Variants in KIF13A observed in about 807,000 individuals in gnomAD.
The protein encoded by KIF13A is kinesin family member 13A, also known as kinesin-like protein KIF13A.
Under a neutral mutation model 212.2 loss-of-function variants are expected in KIF13A, and 79 were observed. The ratio of observed to expected loss-of-function variants is 0.37; its 90% CI spans 0.31 to 0.45. The LOEUF is 0.45. KIF13A is among the 20% of genes least tolerant of loss of function. The pLI is 1.00. For synonymous variants in KIF13A, 789 were observed against 808.6 expected, an observed-to-expected ratio of 0.98 and a Z score of 0.41; for missense variants, 1,901 against 2,209.0, an observed-to-expected ratio of 0.86 and a Z score of 2.79.
At chr6:17,824,319 G>C (rs532242493) in intron 16 of KIF13A, among the ~76,000 whole-genome samples, 1 of 152,330 alleles carries the variant, frequency 6.6e-6, no homozygotes, top group East Asian at 1.9e-4. Context: ...TCCCCAATTT[G>C]ATATGCCAGA....
chr6:17,773,694 T>C lies in KIF13A; in HGVS notation c.4219-111A>G, dbSNP rs1299595527. On this transcript the variant is annotated intron_variant, in intron 35 of 38. Coordinates refer to ENST00000259711, the MANE Select transcript of KIF13A (RefSeq NM_022113.6). This position sits in a 1 kb window ranked among gnomAD's most constrained non-coding sequence, Gnocchi z 4.2. ...TTTAATGGCAGCATATGCTCTTCTT[T>C]ATTTTTATTATGATTTATTTCAAAT... The C allele has an allele frequency of 2.0e-6, 1 of 503,222 alleles. No homozygotes were observed. Among genetic ancestry groups the C allele is most frequent in the East Asian group, 2.9e-5 (1 of 34,502 alleles). 31.2% of individuals were successfully genotyped at this position (503,222 alleles called of 1,614,324 possible). A position where few individuals can be genotyped will look rare whatever the true frequency, so the allele number is the denominator to read the frequency against.
In KIF13A at chr6:17,951,006, C is replaced by T. The variant is rs1308099264; in HGVS notation, c.146+36048G>A. The T allele has an allele frequency of 1.0e-6, 1 of 987,918 alleles. No individual in the cohort carries two copies. Among genetic ancestry groups the T allele is most frequent in the Non-Finnish European group, 1.2e-6 (1 of 828,464 alleles). The allele number at this position is 987,918 out of a possible 1,614,324, so 61.2% of individuals were successfully genotyped here. Reference sequence around the variant, plus strand: ...CTCAAATGAATATAACACTATTGAACATAAATGACTAAATATATGGGCTAT... The same window carrying T: ...CTCAAATGAATATAACACTATTGAATATAAATGACTAAATATATGGGCTAT... On this transcript the variant is annotated intron_variant, in intron 2 of 38. Coordinates refer to ENST00000259711, the MANE Select transcript of KIF13A (RefSeq NM_022113.6). The surrounding 1 kb of genome is among the most constrained non-coding windows in gnomAD (Gnocchi z 4.9).
At chr6:17,841,392 G>A (rs909309678) in intron 9 of KIF13A, among the ~76,000 whole-genome samples, 6 of 152,114 alleles carry the variant, frequency 3.9e-5, no homozygotes, top group African/African-American at 1.4e-4. Context: ...CTACCACTTT[G>A]GGTTATTAAT....
chr6:17,847,891 A>G (rs1212647774), intron 9 of KIF13A, among the ~76,000 whole-genome samples: 3 of 152,126 alleles, frequency 2.0e-5, no homozygotes, highest in African/African-American at 4.8e-5. Context: ...GGCTCACCGC[A>G]ACCTCTGTCT....
At position 17,872,088 on chromosome 6, in the gene KIF13A, T is replaced by C. The variant is rs1453314675; in HGVS notation, c.220+1289A>G. Among the ~76,000 whole-genome samples, 1 of 152,188 alleles carries C rather than the reference T, an allele frequency of 6.6e-6. No individual in the cohort carries two copies. Among genetic ancestry groups the C allele is most frequent in the African/African-American group, 2.4e-5 (1 of 41,444 alleles). The stretch of plus-strand genomic sequence containing the variant: ...ACTTACTCACTTTAATAAAATATAT[T>C]GCTCAAGTTGTAGGAATGATATTTG... On this transcript the variant is annotated intron_variant, in intron 4 of 38. Coordinates refer to ENST00000259711, the MANE Select transcript of KIF13A (RefSeq NM_022113.6). This position sits in a 1 kb window ranked among gnomAD's most constrained non-coding sequence, Gnocchi z 4.7.
intron 2 of KIF13A, among the ~76,000 whole-genome samples, chr6:17,910,016 T>C (rs1476765885): frequency 1.3e-5 from 2 of 152,208 alleles, no homozygotes; most frequent in South Asian, 4.1e-4. Context: ...AAGAGCAGTA[T>C]GCTACAAACA....
Position 17,787,644 on chromosome 6 carries a change from C to T in KIF13A, c.3361+132G>A. On this transcript the variant is annotated intron_variant, in intron 27 of 38. Transcript: ENST00000259711. The surrounding 1 kb of genome is among the most constrained non-coding windows in gnomAD (Gnocchi z 4.6). ...CCAGCTTGGGTGACAGAGTGAGACC[C>T]TGTCTTAAAACAACAACAACAACAA... The T allele has an allele frequency of 1.6e-6, 1 of 618,444 alleles. No individual in the cohort carries two copies. 38.3% of individuals were successfully genotyped at this position (618,444 alleles called of 1,614,324 possible).
chr6:17,814,440 G>T (rs1184529534), intron 17 of KIF13A, among the ~76,000 whole-genome samples: 1 of 151,102 alleles, frequency 6.6e-6, no homozygotes, highest in African/African-American at 2.4e-5. Context: ...GTACAGACGG[G>T]GTTTCACCAT....
intron 28 of KIF13A, among the ~76,000 whole-genome samples, chr6:17,784,526 A>T (rs559473976): frequency 1.1e-3 from 173 of 152,324 alleles, no homozygotes; most frequent in Admixed American, 3.4e-3. Context: ...ATTCTTATTT[A>T]AAAAAATAAA....
chr6:17,796,765 A>T lies in KIF13A; in HGVS notation c.2846T>A (p.Leu949Gln). Residue 949 changes from leucine (L) to glutamine (Q), a missense_variant, in exon 23 of 39, where the codon CTG (leucine) becomes CAG (glutamine). Leu to Gln is a moderately radical substitution (Grantham distance 113, BLOSUM62 -2). Around this residue, in one of 5 missense-constraint regions of KIF13A, gnomAD observed 534 missense variants for 536.9 expected, o/e 0.99. Coordinates refer to ENST00000259711, the MANE Select transcript of KIF13A (RefSeq NM_022113.6). Reference sequence around the variant, plus strand: ...CCGGTGGCCCCATACTTCAATGGCCAGTGCTCCATCTGAAATGAACTCCAG... The same window carrying T: ...CCGGTGGCCCCATACTTCAATGGCCTGTGCTCCATCTGAAATGAACTCCAG... ...EFLEFISDGA[L>Q]AIEVWGHRCA... The T allele has an allele frequency of 6.3e-7, 1 of 1,582,508 alleles. No homozygotes were observed.
chr6:17,929,684 G>A (rs1057436907), intron 2 of KIF13A, among the ~76,000 whole-genome samples: 48 of 152,128 alleles, frequency 3.2e-4, no homozygotes, highest in Non-Finnish European at 6.2e-4. Context: ...ACAGGCGTGA[G>A]CCACCGCGCC....
At position 17,779,679 on chromosome 6, in the gene KIF13A, G is replaced by T; in HGVS notation, c.3852C>A (p.Phe1284Leu). ...ATATTCTCCTCTTCAAACTCTGCGT[G>T]AAACTCTAGTAGAAAAAAAAAAAAG... ...IAANIYNKQS[F>L]TQSLKRRISL... The change falls in exon 32 of 39, where the codon TTC becomes TTA. Residue 1284 changes from phenylalanine to leucine, a missense_variant. By Grantham distance (22) the Phe-to-Leu change is conservative (BLOSUM62 0). This residue lies in a region of KIF13A where 687 missense variants were observed against 759.1 expected (regional missense o/e 0.90). Coordinates refer to ENST00000259711, the MANE Select transcript of KIF13A (RefSeq NM_022113.6). 3 of 1,336,994 alleles carry T rather than the reference G, an allele frequency of 2.2e-6. No individual in the cohort carries two copies. Among genetic ancestry groups the T allele is most frequent in the East Asian group, 2.6e-5 (1 of 38,906 alleles). 82.8% of individuals were successfully genotyped at this position (1,336,994 alleles called of 1,614,324 possible).
rs1234437451 is a variant in KIF13A at position 17,835,494 on chromosome 6, ATACTTT to A, written c.1155+1378_1155+1383del. On this transcript the variant is annotated intron_variant, in intron 11 of 38. Coordinates refer to ENST00000259711, the MANE Select transcript of KIF13A (RefSeq NM_022113.6). ...CCTTCTTACAATCTATCTGAAAATT[ATACTTT>A]ATGCACTGAATGATTATAAATTATA... 2.1e-4 allele frequency among the ~76,000 whole-genome samples: 32 copies of A among 152,312 alleles called. No homozygotes were observed. The East Asian group carries it at 6.0e-3, about 28-fold the overall frequency.
chr6:17,975,847 G>C (rs531290075), intron 2 of KIF13A, among the ~76,000 whole-genome samples: 3 of 152,118 alleles, frequency 2.0e-5, no homozygotes, highest in African/African-American at 7.2e-5. Flanking sequence ...GCTAGACATA[G>C]GGTGCTAATT....
Position 17,786,006 on chromosome 6 carries a change from T to C in KIF13A, c.3362-365A>G, listed in dbSNP as rs1329268099. On this transcript the variant is annotated intron_variant, in intron 27 of 38. Transcript: ENST00000259711. This position sits in a 1 kb window ranked among gnomAD's most constrained non-coding sequence, Gnocchi z 5.4. ...CATCCACTATGTCCCTAAAATGGAT[T>C]TGAGTCTTTGAAGTTCAAGCAAGAG... 6.6e-6 allele frequency among the ~76,000 whole-genome samples: 1 copy of C among 152,160 alleles called. No individual in the cohort carries two copies. The highest frequency in any genetic ancestry group is 1.5e-5 in the Non-Finnish European group (1 of 68,034).
chr6:17,836,789 G>A, intron 11 of KIF13A, 89 bp downstream of exon 11: 2 of 1,109,832 alleles, frequency 1.8e-6, no homozygotes, highest in Non-Finnish European at 2.7e-6. Context: ...CATATCAGAT[G>A]ACCTACAATT....
chr6:17,942,642 C>T lies in KIF13A; in HGVS notation c.146+44412G>A, dbSNP rs183455446. Among the ~76,000 whole-genome samples, 29 of 152,266 alleles carry T rather than the reference C, an allele frequency of 1.9e-4. No homozygotes were observed. In the East Asian group the frequency reaches 4.8e-3, roughly 25 times the overall value. ...ATTTATCAAATATAGTCAAAGTCCT[C>T]CTCTCTTATAAACAGGCTTGGCTAG... is the stretch of plus-strand genomic sequence containing the variant. On this transcript the variant is annotated intron_variant, in intron 2 of 38. Transcript: ENST00000259711.
chr6:17,943,665 A>AT (rs1191096855), intron 2 of KIF13A, among the ~76,000 whole-genome samples: 1 of 152,164 alleles, frequency 6.6e-6, no homozygotes, highest in Admixed American at 6.6e-5. Context: ...ACTTTCACTG[A>AT]TTCTGTCTTC....
At chr6:17,891,618 T>C (rs1772066432) in intron 3 of KIF13A, among the ~76,000 whole-genome samples, 1 of 152,046 alleles carries the variant, frequency 6.6e-6, no homozygotes, top group African/African-American at 2.4e-5. Flanking sequence ...ATTAGCCAAG[T>C]GTGGTGGCTC....
Sources: allele counts gnomAD v4.1 joint callset (sites outside exome capture counted in the v4.1 genomes callset), GRCh38; gene constraint gnomAD v4.1.1; regional missense constraint gnomAD v4.1.1; non-coding constraint Gnocchi (gnomAD v3.1); transcripts MANE v1.5; gene names NCBI Gene and HGNC (gene_info 2026-07-23, HGNC 2026-07-21).